The following ITGA9 variants were observed in gnomAD, a reference collection of about 807,000 sequenced individuals.
The protein encoded by ITGA9 is integrin alpha-9.
A neutral mutation model predicts 127.8 loss-of-function variants in ITGA9; 56 were observed. That is an observed-to-expected ratio of 0.44 (90% CI 0.35 to 0.55). The LOEUF (loss-of-function observed/expected upper bound fraction) is 0.55, where lower values mean the gene tolerates loss of function less well. ITGA9 is among the 20% of genes least tolerant of loss of function. The probability of loss-of-function intolerance (pLI) is 0.00; values close to 1 mark genes in which losing one functional copy is unlikely to be tolerated. For missense variants in ITGA9, 1,196 were observed against 1,347.1 expected, an observed-to-expected ratio of 0.89 and a Z score of 1.76; for synonymous variants, 508 against 514.5, an observed-to-expected ratio of 0.99 and a Z score of 0.17.
intron 18 of ITGA9, among the ~76,000 whole-genome samples, chr3:37,723,636 A>G (rs565607618): frequency 6.6e-6 from 1 of 152,348 alleles, no homozygotes; most frequent in East Asian, 1.9e-4. Context: ...TGCTGGGATT[A>G]CAGGCATGAG....
chr3:37,536,693 G>A (rs1446919197), intron 14 of ITGA9, among the ~76,000 whole-genome samples: 2 of 152,222 alleles, frequency 1.3e-5, no homozygotes, highest in Non-Finnish European at 1.5e-5. Flanking sequence ...TCATTAGCGG[G>A]ACACAAGCTG....
intron 15 of ITGA9, among the ~76,000 whole-genome samples, chr3:37,618,789 C>G (rs1700100183): frequency 6.6e-6 from 1 of 152,222 alleles, no homozygotes. Flanking sequence ...TCCTCGTGTG[C>G]TGTTTGCTAA....
At chr3:37,707,259 TATTTACTTAAGG>T (rs1450536288) in intron 18 of ITGA9, among the ~76,000 whole-genome samples, 1 of 152,208 alleles carries the variant, frequency 6.6e-6, no homozygotes, top group Non-Finnish European at 1.5e-5. Flanking sequence ...AATTTGCAAA[TATTTACTTAAGG>T]ATTTAGTAAT....
At position 37,629,179 on chromosome 3, in the gene ITGA9, T is replaced by A. The variant is rs199884183; in HGVS notation, c.1690-8T>A. 1,514 of 1,612,422 alleles carry A rather than the reference T, an allele frequency of 9.4e-4. 1 individual carries two copies. Among genetic ancestry groups the A allele is most frequent in the Non-Finnish European group, 1.2e-3 (1,394 of 1,179,870 alleles). On this transcript the variant is annotated splice_region_variant and splice_polypyrimidine_tract_variant and intron_variant, in intron 15 of 27. Coordinates refer to ENST00000264741, the MANE Select transcript of ITGA9 (RefSeq NM_002207.3). The surrounding 1 kb of genome is among the most constrained non-coding windows in gnomAD (Gnocchi z 4.5). ...GTAGTTAATGCACGTATTTGTTTAT[T>A]GTTTCAGCGGAGGGTGCAGGACGTC...
chr3:37,727,713 T>C (rs1696232343), intron 18 of ITGA9, among the ~76,000 whole-genome samples: 2 of 152,366 alleles, frequency 1.3e-5, no homozygotes, highest in South Asian at 2.1e-4. Context: ...CTTTGCTTCA[T>C]ATTTTGTCTG....
chr3:37,734,449 T>C (rs1013823637), intron 19 of ITGA9, among the ~76,000 whole-genome samples: 2 of 152,252 alleles, frequency 1.3e-5, no homozygotes, highest in Non-Finnish European at 2.9e-5. Flanking sequence ...ATATCAGACC[T>C]AAGATGTGTC....
At chr3:37,485,631 C>T (rs1402176372) in intron 4 of ITGA9, among the ~76,000 whole-genome samples, 2 of 152,040 alleles carry the variant, frequency 1.3e-5, no homozygotes, top group African/African-American at 2.4e-5. Flanking sequence ...ATTGGAAGGT[C>T]GGTTTGGTTG....
intron 24 of ITGA9, among the ~76,000 whole-genome samples, chr3:37,777,998 A>G (rs1696928022): frequency 6.6e-6 from 1 of 152,260 alleles, no homozygotes; most frequent in African/African-American, 2.4e-5. Flanking sequence ...ATATCCATCA[A>G]TAGGAGAATA....
At chr3:37,780,684 A>G (rs1221670059) in intron 25 of ITGA9, among the ~76,000 whole-genome samples, 6 of 152,208 alleles carry the variant, frequency 3.9e-5, no homozygotes, top group Non-Finnish European at 7.3e-5. Flanking sequence ...CCCTTTGGGT[A>G]TATACCCATT....
intron 18 of ITGA9, among the ~76,000 whole-genome samples, chr3:37,688,500 A>T (rs1354299936): frequency 6.6e-6 from 1 of 152,214 alleles, no homozygotes. Flanking sequence ...ATTTGAGAAG[A>T]AAGTTGACAT....
At chr3:37,517,639 C>G (rs1431252955) in intron 10 of ITGA9, 30 bp downstream of exon 10, 1 of 1,461,124 alleles carries the variant, frequency 6.8e-7, no homozygotes, top group Non-Finnish European at 9.4e-7. Context: ...GCACGGAGCC[C>G]CTCCAGGTGC....
chr3:37,708,606 C>CACAGGACA (rs1701035003), intron 18 of ITGA9, among the ~76,000 whole-genome samples: 3 of 226 alleles, frequency 0.013, no homozygotes, highest in Non-Finnish European at 0.022. Flanking sequence ...ACTAGTTCAG[C>CACAGGACA]GCTATTAGCA....
intron 17 of ITGA9, among the ~76,000 whole-genome samples, chr3:37,671,451 A>G (rs918830090): frequency 2.0e-5 from 3 of 152,250 alleles, no homozygotes; most frequent in Non-Finnish European, 4.4e-5. Flanking sequence ...GGCCAAAGTC[A>G]GCTGGGCAGG....
At chr3:37,524,651 C>A (rs998942248) in intron 12 of ITGA9, among the ~76,000 whole-genome samples, 3 of 152,178 alleles carry the variant, frequency 2.0e-5, no homozygotes, top group Non-Finnish European at 4.4e-5. Flanking sequence ...CTTCCACATG[C>A]AATGTGCATC....
At chr3:37,507,709 C>T (rs1698860086) in intron 7 of ITGA9, among the ~76,000 whole-genome samples, 1 of 152,042 alleles carries the variant, frequency 6.6e-6, no homozygotes, top group African/African-American at 2.4e-5. Flanking sequence ...TCCACATTCC[C>T]AGGGATTGGG....
At chr3:37,561,595 A>G (rs1699488803) in intron 15 of ITGA9, among the ~76,000 whole-genome samples, 1 of 152,252 alleles carries the variant, frequency 6.6e-6, no homozygotes, top group African/African-American at 2.4e-5. Flanking sequence ...CCCAAGCTCC[A>G]TTAGCATGGT....
intron 26 of ITGA9, among the ~76,000 whole-genome samples, chr3:37,797,751 A>C (rs914114019): frequency 2.4e-4 from 36 of 151,952 alleles, no homozygotes; most frequent in African/African-American, 8.0e-4. Context: ...TATTTTTTTG[A>C]GACTCACTGT....
intron 15 of ITGA9, among the ~76,000 whole-genome samples, chr3:37,564,193 T>C (rs1196896123): frequency 7.2e-5 from 11 of 152,238 alleles, no homozygotes; most frequent in Admixed American, 7.2e-4. Context: ...TGCTATGATA[T>C]AGATTAGTTT....
intron 15 of ITGA9, among the ~76,000 whole-genome samples, chr3:37,577,329 T>A (rs1699663767): frequency 6.6e-6 from 1 of 152,260 alleles, no homozygotes; most frequent in Non-Finnish European, 1.5e-5. Flanking sequence ...AAAGGAATCC[T>A]GGCTGGGCAT....
Sources: gnomAD v4.1 joint callset for allele counts (sites outside exome capture counted in the v4.1 genomes callset) on GRCh38, gnomAD v4.1.1 for gene constraint, Gnocchi (gnomAD v3.1) non-coding constraint, MANE v1.5 for transcripts, NCBI Gene and HGNC (gene_info 2026-07-23, HGNC 2026-07-21) for gene names.